ZAN: variants seen among roughly 807,000 people sequenced by gnomAD.
ZAN encodes the protein zonadhesin.
ZAN carries 260 observed loss-of-function variants against 286.2 expected under a neutral mutation model. The ratio of observed to expected loss-of-function variants is 0.91; its 90% CI spans 0.82 to 1.01. The LOEUF is 1.01. Ranked by LOEUF, ZAN falls within the 50% of genes least tolerant of loss-of-function variation. The pLI, the probability that ZAN is intolerant of heterozygous loss-of-function variation, is 0.00. For synonymous variants in ZAN, 1,368 were observed against 1,417.5 expected (o/e 0.97, Z 0.79); for missense variants, 3,410 against 3,639.2 (o/e 0.94, Z 1.62).
chr7:100,783,297 TAAAAC>T (rs1811310795), intron 35 of ZAN, among the ~76,000 whole-genome samples: 1 of 151,646 alleles, frequency 6.6e-6, no homozygotes, highest in Non-Finnish European at 1.5e-5. Context: ...ATAAATAAAA[TAAAAC>T]AAAATAAACG....
rs1164649743 is a variant in ZAN, at chr7:100,751,881, C to T, written c.1776C>T (p.Thr592=). Residue 592 remains threonine (T), a synonymous_variant, in exon 14 of 48, where the codon ACC becomes ACT. Transcript: ENST00000613979. ...CCACAGTCCCCAAAGAAAAGCCCAC[C>T]ATTCCCACAGAAAAACCCACCATCT... is the stretch of plus-strand genomic sequence containing the variant. The part of the protein sequence containing the change: ...EKPTVPKEKP[T]IPTEKPTIST... The T allele has an allele frequency of 5.6e-6, 9 of 1,613,438 alleles. No individual in the cohort carries two copies. The highest frequency in any genetic ancestry group is 7.6e-6 in the Non-Finnish European group (9 of 1,179,846).
intron 3 of ZAN, among the ~76,000 whole-genome samples, chr7:100,736,207 C>CTT (rs1807279613): frequency 7.0e-6 from 1 of 142,040 alleles, no homozygotes; most frequent in African/African-American, 2.6e-5. Context: ...CAACAGCTTT[C>CTT]TTTTTCTTTT....
At chr7:100,734,614 G>A (rs1339225220) in intron 2 of ZAN, among the ~76,000 whole-genome samples, 5 of 123,808 alleles carry the variant, frequency 4.0e-5, no homozygotes, top group African/African-American at 1.2e-4. Context: ...GCGAGACTCC[G>A]TCTCAAAAAA....
intron 45 of ZAN, among the ~76,000 whole-genome samples, chr7:100,795,572 A>G (rs1262278599): frequency 6.6e-6 from 1 of 150,566 alleles, no homozygotes; most frequent in Middle Eastern, 3.2e-3. Context: ...AGTAGGAATT[A>G]TAATATAATC....
At chr7:100,748,963 A>C (rs1444047952) in intron 11 of ZAN, among the ~76,000 whole-genome samples, 1 of 152,104 alleles carries the variant, frequency 6.6e-6, no homozygotes, top group Non-Finnish European at 1.5e-5. Flanking sequence ...TTCAGCTCAG[A>C]AGTCAAGGCT....
intron 25 of ZAN, among the ~76,000 whole-genome samples, chr7:100,767,467 GTTTTTTTTT>G (rs35803818): frequency 1.3e-5 from 1 of 77,972 alleles, no homozygotes; most frequent in African/African-American, 4.9e-5. Context: ...GTTTTTTGCC[GTTTTTTTTT>G]TTTTTTTTTT....
intron 35 of ZAN, among the ~76,000 whole-genome samples, chr7:100,784,065 G>A (rs1584623705): frequency 6.6e-6 from 1 of 150,498 alleles, no homozygotes; most frequent in East Asian, 1.9e-4. Flanking sequence ...TACACATCAA[G>A]GTCCTGCTGC....
In ZAN at chr7:100,738,888, TCCC is replaced by T. The variant is rs1562911426; in HGVS notation, c.766+276_766+278del. Among the ~76,000 whole-genome samples the T allele has an allele frequency of 7.2e-3, 19 of 2,646 alleles. 1 individual carries two copies. Among genetic ancestry groups the T allele is most frequent in the Non-Finnish European group, 0.013 (17 of 1,302 alleles). 1.7% of individuals were successfully genotyped at this position (2,646 alleles called of 152,430 possible). A position where few individuals can be genotyped will look rare whatever the true frequency, so the allele number is the denominator to read the frequency against. ...CCTCTTCTTCTTCTCCCTCTCCCTC[TCCC>T]TCTCCCTCTCCCTCTCCCTCTCCCT... On this transcript the variant is annotated intron_variant, in intron 7 of 47. Coordinates refer to ENST00000613979, the MANE Select transcript of ZAN (RefSeq NM_003386.3).
At chr7:100,756,523 G>T (rs541337026) in intron 15 of ZAN, among the ~76,000 whole-genome samples, 3 of 151,678 alleles carry the variant, frequency 2.0e-5, no homozygotes, top group African/African-American at 7.3e-5. Context: ...CAGAGCTTCT[G>T]CTTGTCCCTT....
chr7:100,782,210 T>C (rs1811241494), intron 35 of ZAN, among the ~76,000 whole-genome samples: 1 of 150,724 alleles, frequency 6.6e-6, no homozygotes, highest in African/African-American at 2.4e-5. Flanking sequence ...TTTTTTGCCA[T>C]GCAGGACAAA....
Position 100,750,786 on chromosome 7 carries a change from A to G in ZAN, c.1411A>G (p.Ser471Gly). The change falls in exon 12 of 48, where the codon AGT becomes GGT. Residue 471 changes from serine to glycine, a missense_variant. Ser to Gly is a moderately conservative substitution (Grantham distance 56). This residue lies in a region of ZAN where 872 missense variants were observed against 938.9 expected (regional missense o/e 0.93). Transcript: ENST00000613979. ...TACTATGCTCGAACTCCTCCTGGGA[A>G]GTCCTGCGGGGAGTCCCCCGATTCC... ...EGTMLELLLG[S>G]PAGSPPIPLW... 6.2e-7 allele frequency: 1 copy of G among 1,612,056 alleles called. No individual in the cohort carries two copies. The highest frequency in any genetic ancestry group is 1.1e-5 in the South Asian group (1 of 90,864).
chr7:100,785,438 C>T (rs1235636837), intron 36 of ZAN, among the ~76,000 whole-genome samples: 1 of 151,986 alleles, frequency 6.6e-6, no homozygotes, highest in Non-Finnish European at 1.5e-5. Context: ...ACCATGTTGG[C>T]CAGGCTGGTC....
intron 17 of ZAN, 81 bp from the exon 18 acceptor site, chr7:100,759,640 C>A (rs746682677): frequency 2.2e-4 from 299 of 1,351,726 alleles, no homozygotes; most frequent in Middle Eastern, 3.8e-4. Context: ...TCTCTCCCTG[C>A]GGCGCCAGGC....
Position 100,752,468 on chromosome 7 carries a change from C to T in ZAN, c.2363C>T (p.Thr788Ile), listed in dbSNP as rs1562925582. The change falls in exon 14 of 48, where the codon ACC becomes ATC. Residue 788 changes from threonine (T) to isoleucine (I), a missense_variant. Physicochemically the swap from Thr to Ile is moderately conservative, Grantham distance 89. Around this residue, in one of 7 missense-constraint regions of ZAN, gnomAD observed 90 missense variants for 87.1 expected, o/e 1.03. Transcript: ENST00000613979. Reference protein sequence around the residue: ...EKPTIPTEKPTIPTEKPTIST... With the variant: ...EKPTIPTEKPIIPTEKPTIST... Reference sequence around the variant, plus strand: ...CCCACCATCCCCACAGAAAAACCCACCATTCCCACAGAAAAACCCACCATC... The same window carrying T: ...CCCACCATCCCCACAGAAAAACCCATCATTCCCACAGAAAAACCCACCATC... The T allele has an allele frequency of 6.2e-7, 1 of 1,600,416 alleles. No homozygotes were observed. Among genetic ancestry groups the T allele is most frequent in the Non-Finnish European group, 8.5e-7 (1 of 1,172,836 alleles).
intron 8 of ZAN, 30 bp from the exon 9 acceptor site, chr7:100,747,520 C>A (rs753243989): frequency 1.8e-5 from 29 of 1,603,824 alleles, no homozygotes; most frequent in Non-Finnish European, 2.4e-5. Flanking sequence ...CCCTTAAGCT[C>A]ACTTCTCCTT....
At chr7:100,785,700 C>T (rs1811517799) in intron 36 of ZAN, among the ~76,000 whole-genome samples, 1 of 151,068 alleles carries the variant, frequency 6.6e-6, no homozygotes, top group African/African-American at 2.4e-5. Flanking sequence ...GCTCTGTTGC[C>T]CAGGCTGGAA....
chr7:100,774,950 G>T (rs1056288999), intron 31 of ZAN, among the ~76,000 whole-genome samples: 2 of 131,130 alleles, frequency 1.5e-5, no homozygotes, highest in African/African-American at 6.2e-5. Flanking sequence ...GTTTGTTTTT[G>T]ATGCAGTGTC....
At position 100,760,448 on chromosome 7, in the gene ZAN, G is replaced by A; in HGVS notation, c.3754G>A (p.Ala1252Thr). 2 of 1,613,980 alleles carry A rather than the reference G, an allele frequency of 1.2e-6. No homozygotes were observed. Among genetic ancestry groups the A allele is most frequent in the Non-Finnish European group, 1.7e-6 (2 of 1,179,896 alleles). Residue 1252 changes from alanine (A) to threonine (T), a missense_variant, in exon 19 of 48, where the codon GCA becomes ACA. Ala to Thr is a moderately conservative substitution (Grantham distance 58). Transcript: ENST00000613979. ...AIPSKGVFLG[A>T]SGRFVELQTE... ...ACCCTCTAAAGGCGTCTTCCTGGGT[G>A]CAAGCGGGCGGTTTGTGGAGCTGCA...
chr7:100,769,445 C>A (rs1810228973), intron 27 of ZAN, among the ~76,000 whole-genome samples: 1 of 152,022 alleles, frequency 6.6e-6, no homozygotes, highest in Non-Finnish European at 1.5e-5. Context: ...GCCCTCAGGT[C>A]TTGTCTTGTC....
Sources: gnomAD v4.1 joint callset for allele counts (sites outside exome capture counted in the v4.1 genomes callset) on GRCh38, gnomAD v4.1.1 for gene constraint, gnomAD v4.1.1 regional missense constraint, MANE v1.5 for transcripts, NCBI Gene and HGNC (gene_info 2026-07-23, HGNC 2026-07-21) for gene names.